The following ZNF385D variants were observed in gnomAD, a reference collection of about 807,000 sequenced individuals.
ZNF385D encodes zinc finger protein 385D.
In ZNF385D, 15 loss-of-function variants were observed where a neutral mutation model predicts 35.8. The ratio of observed to expected loss-of-function variants is 0.42; its 90% CI spans 0.28 to 0.64. The LOEUF is 0.64. Among genes scored for constraint, ZNF385D ranks in the 30% least tolerant of loss-of-function variants. The pLI is 0.23. For synonymous variants in ZNF385D, 212 were observed against 186.8 expected (o/e 1.13, Z -1.10); for missense variants, 474 against 494.6 (o/e 0.96, Z 0.39).
chr3:22,088,093 T>A (rs1369040910), intron 3 of ZNF385D, among the ~76,000 whole-genome samples: 3 of 152,106 alleles, frequency 2.0e-5, no homozygotes, highest in Non-Finnish European at 4.4e-5. Context: ...TTTTACAAAT[T>A]TAAGTAATTT....
chr3:22,010,175 G>C (rs879739013), intron 3 of ZNF385D, among the ~76,000 whole-genome samples: 1 of 152,152 alleles, frequency 6.6e-6, no homozygotes, highest in Non-Finnish European at 1.5e-5. Flanking sequence ...AAAAGTATAT[G>C]TTTTAAAAAG....
chr3:22,169,074 A>AT, intron 2 of ZNF385D: 1 of 910,024 alleles, frequency 1.1e-6, no homozygotes, highest in Non-Finnish European at 1.3e-6. Flanking sequence ...GCAGATCAAG[A>AT]TTTTTAGATT....
intron 3 of ZNF385D, among the ~76,000 whole-genome samples, chr3:21,929,078 C>A (rs1306823776): frequency 6.6e-6 from 1 of 152,054 alleles, no homozygotes; most frequent in Admixed American, 6.6e-5. Flanking sequence ...AGATCCCCAA[C>A]AAAATGCTAT....
chr3:22,309,620 G>C (rs1272836056), intron 2 of ZNF385D, among the ~76,000 whole-genome samples: 1 of 151,944 alleles, frequency 6.6e-6, no homozygotes, highest in Non-Finnish European at 1.5e-5. Flanking sequence ...TATTTAGCTA[G>C]CTTTTTAAAT....
intron 2 of ZNF385D, among the ~76,000 whole-genome samples, chr3:22,307,748 A>T (rs994429926): frequency 1.6e-4 from 10 of 63,768 alleles, no homozygotes; most frequent in East Asian, 7.4e-4. Context: ...CTCTGTTTTA[A>T]AAAAAAAAAA....
chr3:21,746,356 T>A (rs2069770395), intron 1 of ZNF385D, among the ~76,000 whole-genome samples: 1 of 152,222 alleles, frequency 6.6e-6, no homozygotes, highest in Admixed American at 6.5e-5. Context: ...GGAATCCATG[T>A]CACTGGCATG....
chr3:22,269,744 TAATATAACCTCC>T (rs1701078216), intron 2 of ZNF385D, among the ~76,000 whole-genome samples: 1 of 151,834 alleles, frequency 6.6e-6, no homozygotes, highest in South Asian at 2.1e-4. Context: ...AAAGAACAGT[TAATATAACCTCC>T]AAACACCACC....
intron 6 of ZNF385D, among the ~76,000 whole-genome samples, chr3:21,424,275 T>TTATATATATACTTACATATATATATTTA (rs1700882645): frequency 1.3e-5 from 1 of 79,792 alleles, no homozygotes; most frequent in Non-Finnish European, 2.6e-5. Flanking sequence ...ATATATACTA[T>TTATATATATACTTACATATATATATTTA]TATATATATA....
chr3:21,953,177 C>T (rs188214677), intron 3 of ZNF385D, among the ~76,000 whole-genome samples: 35 of 151,842 alleles, frequency 2.3e-4, no homozygotes, highest in African/African-American at 8.2e-4. Flanking sequence ...TTAATTAAAT[C>T]TAATAAAACA....
intron 3 of ZNF385D, among the ~76,000 whole-genome samples, chr3:21,900,375 C>A (rs17010026): frequency 0.017 from 2,596 of 152,042 alleles, 77 homozygotes; most frequent in African/African-American, 0.058. Context: ...AGAAAGCAAC[C>A]TACCCAGCTT....
At chr3:21,616,651 A>AT (rs2064855747) in intron 2 of ZNF385D, among the ~76,000 whole-genome samples, 2 of 152,284 alleles carry the variant, frequency 1.3e-5, no homozygotes, top group Admixed American at 6.5e-5. Flanking sequence ...TCCCATGCTT[A>AT]TTTCATATTG....
intron 2 of ZNF385D, among the ~76,000 whole-genome samples, chr3:22,246,342 T>C (rs1413300033): frequency 3.9e-5 from 6 of 152,120 alleles, no homozygotes; most frequent in African/African-American, 1.2e-4. Context: ...CTGAAGCATG[T>C]TCCCTACCAC....
At chr3:21,647,283 A>C (rs997348325) in intron 2 of ZNF385D, among the ~76,000 whole-genome samples, 9 of 152,084 alleles carry the variant, frequency 5.9e-5, no homozygotes, top group East Asian at 5.8e-4. Flanking sequence ...TCTTTGGCAA[A>C]ATATTCAAAT....
intron 4 of ZNF385D, among the ~76,000 whole-genome samples, chr3:21,481,224 C>T (rs1704606118): frequency 6.6e-6 from 1 of 152,122 alleles, no homozygotes; most frequent in Admixed American, 6.6e-5. Flanking sequence ...CAGTGGTTTT[C>T]AACATGTTTT....
At position 21,979,609 on chromosome 3, in the gene ZNF385D, T is replaced by C. The variant is rs549316615; in HGVS notation, c.325+189208A>G. On this transcript the variant is annotated intron_variant, in intron 3 of 5. Transcript: ENST00000494108. ...ATTAAACATTTACTTTCTTACAAGG[T>C]TCAAGTATGTTTGTCTCATAGGTGC... 3.9e-5 allele frequency: 6 copies of C among 152,316 alleles called. No homozygotes were observed. In the South Asian group the frequency reaches 1.0e-3, roughly 26 times the overall value. 9.4% of individuals were successfully genotyped at this position (152,316 alleles called of 1,614,324 possible). A position where few individuals can be genotyped will look rare whatever the true frequency, so the allele number is the denominator to read the frequency against.
chr3:22,077,811 A>G (rs1299069587), intron 3 of ZNF385D, among the ~76,000 whole-genome samples: 1 of 151,934 alleles, frequency 6.6e-6, no homozygotes, highest in Non-Finnish European at 1.5e-5. Context: ...CTAAAGCATC[A>G]TTTTAAGTAA....
intron 2 of ZNF385D, among the ~76,000 whole-genome samples, chr3:22,221,184 T>C (rs559515372): frequency 1.3e-5 from 2 of 152,068 alleles, no homozygotes; most frequent in Non-Finnish European, 2.9e-5. Flanking sequence ...CATATATGCA[T>C]ACCTACACAC....
rs558434939 is a variant in ZNF385D at position 21,438,326 on chromosome 3, T to C, written c.440-1123A>G. ...TATTGAAGCTGTCTCTCATTCCATA[T>C]ACTGCTATGGTCACTATCTAATGCT... On this transcript the variant is annotated intron_variant, in intron 4 of 7. Coordinates refer to ENST00000281523, the MANE Select transcript of ZNF385D (RefSeq NM_024697.3). Among the ~76,000 whole-genome samples the C allele has an allele frequency of 5.3e-5, 8 of 152,294 alleles. No homozygotes were observed. In the East Asian group the frequency reaches 1.5e-3, roughly 29 times the overall value.
At chr3:22,201,665 C>G (rs1020467896) in intron 2 of ZNF385D, among the ~76,000 whole-genome samples, 1 of 151,924 alleles carries the variant, frequency 6.6e-6, no homozygotes, top group African/African-American at 2.4e-5. Context: ...TTGTTTTTCT[C>G]TCACATTTTA....
Sources: gnomAD v4.1 joint callset for allele counts (sites outside exome capture counted in the v4.1 genomes callset) on GRCh38, gnomAD v4.1.1 for gene constraint, MANE v1.5 for transcripts, NCBI Gene and HGNC (gene_info 2026-07-23, HGNC 2026-07-21) for gene names.